The following CNTN4 variants were observed in gnomAD, a reference collection of about 807,000 sequenced individuals.
CNTN4 encodes contactin 4, also known as contactin-4.
A neutral mutation model predicts 122.5 loss-of-function variants in CNTN4; 77 were observed. The observed-to-expected ratio is 0.63, with a 90% confidence interval of 0.52 to 0.76. The LOEUF (loss-of-function observed/expected upper bound fraction) is 0.76. Among genes scored for constraint, CNTN4 ranks in the 30% least tolerant of loss-of-function variants. The pLI, the probability that CNTN4 is intolerant of heterozygous loss-of-function variation, is 0.00. For missense variants in CNTN4, 1,256 were observed against 1,259.1 expected (o/e 1.00, Z 0.04); for synonymous variants, 512 against 447.0 (o/e 1.15, Z -1.83).
At chr3:2,980,931 C>A (rs571478482) in intron 13 of CNTN4, among the ~76,000 whole-genome samples, 1 of 152,218 alleles carries the variant, frequency 6.6e-6, no homozygotes, top group African/African-American at 2.4e-5. Flanking sequence ...CCAGCACCAC[C>A]CTGTTGTCTG....
chr3:2,257,086 C>T (rs1012802927), intron 2 of CNTN4, among the ~76,000 whole-genome samples: 13 of 152,150 alleles, frequency 8.5e-5, no homozygotes, highest in Admixed American at 2.6e-4. Context: ...GGTACCAGAA[C>T]AGATACATAG....
At chr3:2,587,884 C>T (rs1019149519) in intron 4 of CNTN4, among the ~76,000 whole-genome samples, 4 of 151,870 alleles carry the variant, frequency 2.6e-5, no homozygotes, top group African/African-American at 9.7e-5. Flanking sequence ...ACTGTACTTG[C>T]TACCTTCTGG....
chr3:3,003,305 C>G (rs1696232107), intron 14 of CNTN4, among the ~76,000 whole-genome samples: 2 of 152,098 alleles, frequency 1.3e-5, no homozygotes, highest in South Asian at 2.1e-4. Flanking sequence ...TCCATAGAAG[C>G]ATTATTCATA....
At chr3:2,645,498 A>G (rs1433710712) in intron 4 of CNTN4, among the ~76,000 whole-genome samples, 8 of 152,222 alleles carry the variant, frequency 5.3e-5, no homozygotes, top group Non-Finnish European at 1.0e-4. Flanking sequence ...TTAGATTTAT[A>G]TACTGAATAA....
In CNTN4 at chr3:2,205,392, A is replaced by G. The variant is rs141482181; in HGVS notation, c.-145+104753A>G. 4.0e-3 allele frequency among the ~76,000 whole-genome samples: 604 copies of G among 151,056 alleles called. 4 individuals carry two copies. The highest frequency in any genetic ancestry group is 0.017 in the Middle Eastern group (5 of 288). ...AATATACTTAATATTTTGTAATGTAATTACAAAATTAAACCTAATTTTATA... is the reference window on the plus strand; with the variant it reads ...AATATACTTAATATTTTGTAATGTAGTTACAAAATTAAACCTAATTTTATA... On this transcript the variant is annotated intron_variant, in intron 2 of 24. Transcript: ENST00000418658.
At chr3:2,220,485 G>A (rs1301716695) in intron 2 of CNTN4, among the ~76,000 whole-genome samples, 1 of 152,146 alleles carries the variant, frequency 6.6e-6, no homozygotes, top group East Asian at 1.9e-4. Context: ...TCAAATATTT[G>A]TATCTGTCTA....
At chr3:2,912,608 G>T (rs1041587854) in intron 12 of CNTN4, among the ~76,000 whole-genome samples, 2 of 152,146 alleles carry the variant, frequency 1.3e-5, no homozygotes, top group African/African-American at 4.8e-5. Flanking sequence ...AGTATAAAAG[G>T]TAACTATAAA....
intron 3 of CNTN4, among the ~76,000 whole-genome samples, chr3:2,482,544 G>A: frequency 6.6e-6 from 1 of 152,212 alleles, no homozygotes; most frequent in East Asian, 1.9e-4. Flanking sequence ...CCCAGGGTAT[G>A]TCACAGACCT....
Position 2,810,430 on chromosome 3 carries a change from G to A in CNTN4, c.359-9056G>A, listed in dbSNP as rs147530396. On this transcript the variant is annotated intron_variant, in intron 6 of 24. Transcript: ENST00000418658. ...CCTAGGTTTTGTTCCTGGAAACAAA[G>A]AGTGATATGTGATCTAGTAATGTGG... Among the ~76,000 whole-genome samples, 445 of 152,252 alleles carry A rather than the reference G, an allele frequency of 2.9e-3. 1 individual carries two copies. Among genetic ancestry groups the A allele is most frequent in the Admixed American group, 3.5e-3 (54 of 15,284 alleles).
intron 4 of CNTN4, among the ~76,000 whole-genome samples, chr3:2,595,921 T>C (rs1377231852): frequency 6.6e-6 from 1 of 152,242 alleles, no homozygotes; most frequent in South Asian, 2.1e-4. Context: ...GAGGATTATG[T>C]ATCATCATCT....
intron 24 of CNTN4, among the ~76,000 whole-genome samples, chr3:3,054,213 A>G (rs1191758893): frequency 1.3e-5 from 2 of 152,190 alleles, no homozygotes; most frequent in Non-Finnish European, 2.9e-5. Flanking sequence ...AGCAGACCCG[A>G]ATTAGTCACT....
intron 3 of CNTN4, among the ~76,000 whole-genome samples, chr3:2,490,781 C>T (rs1012664479): frequency 5.9e-5 from 9 of 152,176 alleles, no homozygotes; most frequent in African/African-American, 2.2e-4. Context: ...AAATCACGCC[C>T]ACCCTTTATT....
chr3:2,102,458 C>T (rs1229813076), intron 2 of CNTN4, among the ~76,000 whole-genome samples: 2 of 152,118 alleles, frequency 1.3e-5, no homozygotes, highest in Non-Finnish European at 1.5e-5. Flanking sequence ...TAGATTGGCT[C>T]TTTAGCAGAT....
chr3:2,118,264 C>T (rs1163527715), intron 2 of CNTN4, among the ~76,000 whole-genome samples: 1 of 152,200 alleles, frequency 6.6e-6, no homozygotes, highest in Non-Finnish European at 1.5e-5. Context: ...ATACTGATAT[C>T]ATATCAGATC....
At chr3:2,234,176 C>G (rs925717220) in intron 2 of CNTN4, among the ~76,000 whole-genome samples, 1 of 151,706 alleles carries the variant, frequency 6.6e-6, no homozygotes. Flanking sequence ...GTCAGGAGTT[C>G]GAGAGTAGCC....
chr3:2,985,089 T>A (rs1694426002), intron 13 of CNTN4: 1 of 152,246 alleles, frequency 6.6e-6, no homozygotes, highest in South Asian at 2.1e-4. Context: ...TTCTTGTCTG[T>A]GTCTTTTTTT....
chr3:2,357,779 G>C (rs746919281), intron 3 of CNTN4, among the ~76,000 whole-genome samples: 1 of 152,172 alleles, frequency 6.6e-6, no homozygotes, highest in Non-Finnish European at 1.5e-5. Context: ...CCTGCAACAC[G>C]TAATTTAGCT....
At chr3:2,312,134 G>C (rs1019952036) in intron 2 of CNTN4, among the ~76,000 whole-genome samples, 1 of 151,890 alleles carries the variant, frequency 6.6e-6, no homozygotes, top group South Asian at 2.1e-4. Flanking sequence ...GTAACATAGT[G>C]GGACCTTGTC....
chr3:2,749,327 A>C (rs543188821), intron 6 of CNTN4, among the ~76,000 whole-genome samples: 594 of 55,188 alleles, frequency 0.011, 5 homozygotes, highest in African/African-American at 0.039. Flanking sequence ...TGCCCAGATA[A>C]GTTTTTTTTT....
Sources: gnomAD v4.1 joint callset for allele counts (sites outside exome capture counted in the v4.1 genomes callset) on GRCh38, gnomAD v4.1.1 for gene constraint, MANE v1.5 for transcripts, NCBI Gene and HGNC (gene_info 2026-07-23, HGNC 2026-07-21) for gene names.